The following BRWD1 variants were observed in gnomAD, a reference collection of about 807,000 sequenced individuals.
BRWD1 encodes the protein bromodomain and WD repeat domain containing 1.
In BRWD1, 82 loss-of-function variants were observed where a neutral mutation model predicts 251.2. The observed-to-expected ratio is 0.33, with a 90% CI of 0.27 to 0.39. The LOEUF is 0.39. Among genes scored for constraint, BRWD1 ranks in the 10% least tolerant of loss-of-function variants. The pLI is 1.00. For missense variants in BRWD1, 2,233 were observed against 2,711.6 expected (o/e 0.82, Z 3.92); for synonymous variants, 918 against 902.8 (o/e 1.02, Z -0.30).
intron 12 of BRWD1, among the ~76,000 whole-genome samples, chr21:39,275,526 T>C (rs1039213587): frequency 1.3e-5 from 2 of 152,216 alleles, no homozygotes; most frequent in African/African-American, 4.8e-5. Context: ...CATTTACTAA[T>C]AAATACCTGC....
In BRWD1 at chr21:39,299,231, G is replaced by A. The variant is rs145082630; in HGVS notation, c.199-649C>T. On this transcript the variant is annotated intron_variant, in intron 4 of 40. Coordinates refer to ENST00000342449, the MANE Select transcript of BRWD1 (RefSeq NM_033656.4). ...AGAAAAAAATATATATACATATTAC[G>A]CTAACTCGCCTGTCTCAAAAAAAAA... Among the ~76,000 whole-genome samples the A allele has an allele frequency of 2.6e-4, 31 of 121,210 alleles. No homozygotes were observed. In the East Asian group the frequency reaches 6.4e-3, roughly 25 times the overall value. 79.5% of individuals were successfully genotyped at this position (121,210 alleles called of 152,430 possible).
chr21:39,303,454 G>C (rs1047694711), intron 4 of BRWD1, among the ~76,000 whole-genome samples: 1 of 147,390 alleles, frequency 6.8e-6, no homozygotes, highest in Non-Finnish European at 1.5e-5. Context: ...AGGAGGCAGA[G>C]GTTGCAGTAA....
At chr21:39,222,672 T>C (rs186076652) in intron 29 of BRWD1, among the ~76,000 whole-genome samples, 5 of 152,314 alleles carry the variant, frequency 3.3e-5, no homozygotes, top group Admixed American at 6.5e-5. Flanking sequence ...ATGTATCTTA[T>C]AGTAGAATTC....
chr21:39,219,932 T>C (rs1050147426), intron 29 of BRWD1: 3 of 152,148 alleles, frequency 2.0e-5, no homozygotes, highest in Admixed American at 6.5e-5. Context: ...TAAGCCAAAA[T>C]GTGTATTTTT....
At chr21:39,255,392 A>G (rs2088928268) in intron 19 of BRWD1, among the ~76,000 whole-genome samples, 1 of 151,926 alleles carries the variant, frequency 6.6e-6, no homozygotes, top group South Asian at 2.1e-4. Context: ...AGCCTGCGCA[A>G]CGAGAGCGAA....
chr21:39,199,807 A>G, intron 39 of BRWD1, 145 bp from the exon 40 acceptor site: 26 of 866,942 alleles, frequency 3.0e-5, no homozygotes, highest in Non-Finnish European at 4.3e-5. Context: ...CTGGAGTGCA[A>G]TGGTGCAATT....
chr21:39,212,625 G>T, intron 34 of BRWD1, 41 bp downstream of exon 34: 6 of 1,454,360 alleles, frequency 4.1e-6, no homozygotes, highest in Non-Finnish European at 5.7e-6. Flanking sequence ...TTAAAACAAA[G>T]AAAAAGAAAC....
At chr21:39,249,832 T>C (rs1020015354) in intron 20 of BRWD1, among the ~76,000 whole-genome samples, 2 of 151,098 alleles carry the variant, frequency 1.3e-5, no homozygotes, top group Non-Finnish European at 3.0e-5. Context: ...GTAAAACATA[T>C]TTTTTAACAA....
At chr21:39,292,143 G>GC (rs2035835237) in intron 8 of BRWD1, among the ~76,000 whole-genome samples, 1 of 94,676 alleles carries the variant, frequency 1.1e-5, no homozygotes, top group Non-Finnish European at 2.1e-5. Context: ...GGGGGGGGGG[G>GC]TCTCACTAAG....
At chr21:39,319,690 G>A (rs1316960285) in intron 1 of BRWD1, among the ~76,000 whole-genome samples, 4 of 152,120 alleles carry the variant, frequency 2.6e-5, no homozygotes, top group Admixed American at 2.6e-4. Flanking sequence ...CAGAGAGCAT[G>A]CCTGTGAAGC....
chr21:39,196,483 C>T lies in BRWD1; in HGVS notation c.6586G>A (p.Ala2196Thr), dbSNP rs776221290. The T allele has an allele frequency of 1.2e-6, 2 of 1,613,028 alleles. No individual in the cohort carries two copies. Among genetic ancestry groups the T allele is most frequent in the Admixed American group, 1.7e-5 (1 of 59,840 alleles). ...KVVRKGKTFT[A>T]NISKTVRRQR... The stretch of plus-strand genomic sequence containing the variant: ...CGTCTCACAGTTTTAGATATGTTAG[C>T]TGTAAAAGTTTTACCTTTTCTAACT... The change falls in exon 41 of 41, where the codon GCT becomes ACT. Residue 2196 changes from alanine to threonine, a missense_variant. By Grantham distance (58) the Ala-to-Thr change is moderately conservative. Transcript: ENST00000342449.
Position 39,218,143 on chromosome 21 carries a change from T to C in BRWD1, c.3659+9A>G. 1 of 1,591,092 alleles carries C rather than the reference T, an allele frequency of 6.3e-7. No homozygotes were observed. The highest frequency in any genetic ancestry group is 8.5e-7 in the Non-Finnish European group (1 of 1,173,496). On this transcript the variant is annotated intron_variant, in intron 31 of 40. Transcript: ENST00000342449. ...TTTTTAAACATTTTGAAAGCAGGTT[T>C]CTACTAACCTGTAAAATCGATTAAC...
At chr21:39,312,439 C>A (rs1334198997) in intron 4 of BRWD1, 3 of 168,380 alleles carry the variant, frequency 1.8e-5, no homozygotes, top group South Asian at 1.3e-4. Flanking sequence ...AGTGGGGGGA[C>A]AGACCCGGGC....
At chr21:39,287,845 A>G (rs1481335468) in intron 8 of BRWD1, among the ~76,000 whole-genome samples, 1 of 152,224 alleles carries the variant, frequency 6.6e-6, no homozygotes, top group African/African-American at 2.4e-5. Flanking sequence ...TCTTTCTAAT[A>G]CATGAATTGG....
chr21:39,290,404 C>A (rs2035773911), intron 8 of BRWD1, among the ~76,000 whole-genome samples: 1 of 151,708 alleles, frequency 6.6e-6, no homozygotes, highest in South Asian at 2.1e-4. Context: ...CGCAGAAGAA[C>A]CACTTGAACC....
intron 1 of BRWD1, 55 bp from the exon 2 acceptor site, chr21:39,313,354 G>GGA (rs2146821713): frequency 2.0e-6 from 3 of 1,466,330 alleles, no homozygotes; most frequent in Admixed American, 2.3e-5. Flanking sequence ...AGGGGGACGG[G>GGA]GCCAGGGGAG....
chr21:39,229,653 A>T (rs2033529751), intron 25 of BRWD1, among the ~76,000 whole-genome samples: 2 of 152,230 alleles, frequency 1.3e-5, no homozygotes, highest in African/African-American at 4.8e-5. Flanking sequence ...AAAATACATT[A>T]CAAAAGTGTA....
chr21:39,310,016 T>A (rs1304400879), intron 4 of BRWD1, among the ~76,000 whole-genome samples: 1 of 152,228 alleles, frequency 6.6e-6, no homozygotes, highest in Admixed American at 6.5e-5. Context: ...GTGAAATGAA[T>A]GGCTTTCTGG....
intron 5 of BRWD1, chr21:39,297,944 A>G (rs1429200653): frequency 1.0e-6 from 1 of 985,198 alleles, no homozygotes; most frequent in Non-Finnish European, 1.2e-6. Flanking sequence ...TGGCAAAAAA[A>G]TTAAATTAGT....
Sources: gnomAD v4.1 joint callset for allele counts (sites outside exome capture counted in the v4.1 genomes callset) on GRCh38, gnomAD v4.1.1 for gene constraint, MANE v1.5 for transcripts, NCBI Gene and HGNC (gene_info 2026-07-23, HGNC 2026-07-21) for gene names.